Variants in GARIN5A observed in about 807,000 individuals in gnomAD.
GARIN5A encodes the protein Golgi-associated RAB2 interactor protein 5A.
the GARIN5A span, chr19:50,475,451 G>T: frequency 6.2e-7 from 1 of 1,604,444 alleles, no homozygotes. Flanking sequence ...TCCCAACCGA[G>T]TCACCTGGGG....
chr19:50,469,077 G>A, the GARIN5A span, among the ~76,000 whole-genome samples: 2 of 152,092 alleles, frequency 1.3e-5, no homozygotes, highest in East Asian at 3.9e-4. Flanking sequence ...CCTTCCTGTG[G>A]CTCTGGCTCA....
chr19:50,476,197 C>T, the GARIN5A span: 1 of 1,613,678 alleles, frequency 6.2e-7, no homozygotes, highest in Admixed American at 1.7e-5. Flanking sequence ...GATCCCGCCT[C>T]ATTGCAATGT....
chr19:50,471,838 C>A, the GARIN5A span, among the ~76,000 whole-genome samples: 735 of 142,950 alleles, frequency 5.1e-3, 10 homozygotes, highest in East Asian at 0.025. Flanking sequence ...GCATACATAT[C>A]TGTGTGCATA....
the GARIN5A span, chr19:50,467,471 G>C: frequency 1.1e-6 from 1 of 887,832 alleles, no homozygotes; most frequent in East Asian, 2.7e-5. Context: ...CAGGACCCAA[G>C]CTCTCTCCTC....
At chr19:50,475,727 G>A in the GARIN5A span, 1 of 842,706 alleles carries the variant, frequency 1.2e-6, no homozygotes, top group Non-Finnish European at 2.0e-6. Flanking sequence ...TTGGGAGTCG[G>A]GAATCCCACG....
chr19:50,469,424 C>A, the GARIN5A span, among the ~76,000 whole-genome samples: 1 of 152,202 alleles, frequency 6.6e-6, no homozygotes, highest in Non-Finnish European at 1.5e-5. Context: ...GCCCATCTAA[C>A]AAATGGCCAC....
the GARIN5A span, among the ~76,000 whole-genome samples, chr19:50,473,383 G>T: frequency 2.0e-5 from 3 of 151,426 alleles, no homozygotes; most frequent in Non-Finnish European, 2.9e-5. Flanking sequence ...TAGAGAACGG[G>T]TCTCACTTCA....
chr19:50,470,260 T>C, the GARIN5A span, among the ~76,000 whole-genome samples: 8 of 152,208 alleles, frequency 5.3e-5, no homozygotes, highest in Non-Finnish European at 1.2e-4. Context: ...AGGCCTGTAA[T>C]CGCAGCACTT....
the GARIN5A span, chr19:50,475,227 G>T: frequency 3.4e-6 from 5 of 1,459,072 alleles, no homozygotes; most frequent in Non-Finnish European, 4.5e-6. Context: ...GCCAGCTCCT[G>T]GCCCTGGGGG....
At chr19:50,476,408 A>G in the GARIN5A span, 2 of 1,548,168 alleles carry the variant, frequency 1.3e-6, no homozygotes, top group Non-Finnish European at 8.7e-7. Context: ...GTCAGGCCCC[A>G]GGTGCGGACG....
At chr19:50,474,410 A>G in the GARIN5A span, among the ~76,000 whole-genome samples, 1 of 150,640 alleles carries the variant, frequency 6.6e-6, no homozygotes, top group Non-Finnish European at 1.5e-5. Context: ...CAGTGGCGCA[A>G]TCTCAGCTCA....
the GARIN5A span, among the ~76,000 whole-genome samples, chr19:50,470,653 T>G: frequency 1.0e-3 from 143 of 138,926 alleles, no homozygotes; most frequent in African/African-American, 3.7e-3. Context: ...TTGTGGCTAC[T>G]GCTGTTTTTT....
chr19:50,468,338 G>T, the GARIN5A span, among the ~76,000 whole-genome samples: 4 of 147,098 alleles, frequency 2.7e-5, no homozygotes, highest in Non-Finnish European at 6.0e-5. Flanking sequence ...CTCCAGCCTG[G>T]GCGACAGAGA....
the GARIN5A span, chr19:50,467,714 T>C: frequency 7.5e-6 from 12 of 1,599,734 alleles, no homozygotes; most frequent in Non-Finnish European, 1.0e-5. Context: ...CGGTCTCGGG[T>C]CTTGAGTGGG....
chr19:50,469,792 C>T, the GARIN5A span, among the ~76,000 whole-genome samples: 1 of 152,134 alleles, frequency 6.6e-6, no homozygotes, highest in Non-Finnish European at 1.5e-5. Flanking sequence ...CTCACAGACA[C>T]CCTCACACCT....
chr19:50,476,438 CG>C, the GARIN5A span: 1 of 1,550,502 alleles, frequency 6.4e-7, no homozygotes. Flanking sequence ...GCGCAGGTGC[CG>C]GGGCCCAGCG....
At chr19:50,471,860 A>ATGTGTATATGTATGCATACATG in the GARIN5A span, among the ~76,000 whole-genome samples, 8 of 150,362 alleles carry the variant, frequency 5.3e-5, 1 homozygote, top group African/African-American at 7.4e-5. Flanking sequence ...GCATACATAC[A>ATGTGTATATGTATGCATACATG]TGTGTATATG....
the GARIN5A span, chr19:50,476,572 CG>C: frequency 1.3e-6 from 2 of 1,575,528 alleles, no homozygotes; most frequent in Non-Finnish European, 1.7e-6. Context: ...TGGGGCAACC[CG>C]GCTGCTCCTG....
the GARIN5A span, among the ~76,000 whole-genome samples, chr19:50,471,601 CATATATATGTGTGT>C: frequency 3.3e-5 from 5 of 151,828 alleles, no homozygotes; most frequent in African/African-American, 7.3e-5. Context: ...AGGATGGATC[CATATATATGTGTGT>C]ATATATATGT....
Sources: allele counts gnomAD v4.1 joint callset (sites outside exome capture counted in the v4.1 genomes callset), GRCh38; gene constraint gnomAD v4.1.1; transcripts MANE v1.5; gene names NCBI Gene and HGNC (gene_info 2026-07-23, HGNC 2026-07-21).